Variants in DGKB observed in about 807,000 individuals in gnomAD.
DGKB encodes the protein 90 kDa diacylglycerol kinase.
DGKB carries 67 observed loss-of-function variants against 114.3 expected under a neutral mutation model. The ratio of observed to expected loss-of-function variants is 0.59; its 90% CI spans 0.48 to 0.72. The LOEUF (loss-of-function observed/expected upper bound fraction) is 0.72, where lower values mean the gene tolerates loss of function less well. Ranked by LOEUF, DGKB falls within the 30% of genes least tolerant of loss-of-function variation. DGKB has a pLI of 0.00. For synonymous variants in DGKB, 398 were observed against 323.1 expected (o/e 1.23, Z -2.49); for missense variants, 907 against 975.2 (o/e 0.93, Z 0.93).
chr7:14,924,278 T>C (rs968895675), intron 1 of DGKB, among the ~76,000 whole-genome samples: 5 of 152,198 alleles, frequency 3.3e-5, no homozygotes, highest in Admixed American at 2.0e-4. Context: ...CGCGTTCTAA[T>C]ATTGCTATTG....
In DGKB at chr7:14,910,305, AG is replaced by A. The variant is rs1201456428; in HGVS notation, c.-188+64390del. Reference sequence around the variant, plus strand: ...AAGAAAGAAAGAAAGAAAGAAAGAAAGAAAGAAAGAACCTTATATATTAGGA... The same window carrying A: ...AAGAAAGAAAGAAAGAAAGAAAGAAAAAAGAAAGAACCTTATATATTAGGA... On this transcript the variant is annotated intron_variant, in intron 1 of 4. Coordinates refer to the DGKB transcript ENST00000437998. Among the ~76,000 whole-genome samples the A allele has an allele frequency of 9.2e-5, 12 of 129,872 alleles. 1 individual carries two copies. Among genetic ancestry groups the A allele is most frequent in the African/African-American group, 3.5e-4 (12 of 34,390 alleles). 85.2% of individuals were successfully genotyped at this position (129,872 alleles called of 152,430 possible).
intron 5 of DGKB, among the ~76,000 whole-genome samples, chr7:14,724,132 G>T (rs1456711340): frequency 6.6e-6 from 1 of 152,046 alleles, no homozygotes; most frequent in African/African-American, 2.4e-5. Context: ...TACAACACTG[G>T]CAATTTAGCT....
At chr7:14,362,881 C>T (rs1316638334) in intron 21 of DGKB, among the ~76,000 whole-genome samples, 1 of 152,080 alleles carries the variant, frequency 6.6e-6, no homozygotes, top group Non-Finnish European at 1.5e-5. Flanking sequence ...TGCTGCTTCT[C>T]CCTTCTAGAC....
intron 25 of DGKB, among the ~76,000 whole-genome samples, chr7:14,170,317 T>C (rs9655111): frequency 0.014 from 2,140 of 152,264 alleles, 49 homozygotes; most frequent in African/African-American, 0.048. Context: ...GCAAGTTACT[T>C]GACTTCTCTG....
chr7:14,280,058 C>A (rs1040183256), intron 23 of DGKB, among the ~76,000 whole-genome samples: 1 of 151,998 alleles, frequency 6.6e-6, no homozygotes, highest in Admixed American at 6.6e-5. Flanking sequence ...GATCAAATTA[C>A]TCTGAGCTAT....
At chr7:14,889,340 T>G (rs181272783) in intron 1 of DGKB, among the ~76,000 whole-genome samples, 183 of 151,800 alleles carry the variant, frequency 1.2e-3, no homozygotes, top group Non-Finnish European at 1.9e-3. Context: ...TGATCTCTTA[T>G]AATCATCTGA....
chr7:14,724,003 G>T (rs932046226), intron 5 of DGKB, among the ~76,000 whole-genome samples: 2 of 152,068 alleles, frequency 1.3e-5, no homozygotes, highest in African/African-American at 2.4e-5. Context: ...CTCTGGTCCA[G>T]TTTGTTTCAT....
intron 25 of DGKB, among the ~76,000 whole-genome samples, chr7:14,173,826 T>C (rs536294537): frequency 6.6e-5 from 10 of 152,188 alleles, no homozygotes; most frequent in Non-Finnish European, 1.0e-4. Flanking sequence ...ACTATGATTC[T>C]TGGCCTACTG....
intron 17 of DGKB, among the ~76,000 whole-genome samples, chr7:14,605,675 A>G (rs989470134): frequency 6.6e-6 from 1 of 152,078 alleles, no homozygotes; most frequent in Non-Finnish European, 1.5e-5. Flanking sequence ...TGTAGTACAT[A>G]TTTAAAGTGT....
intron 23 of DGKB, among the ~76,000 whole-genome samples, chr7:14,263,188 T>C (rs1797017226): frequency 6.6e-6 from 1 of 152,180 alleles, no homozygotes; most frequent in Non-Finnish European, 1.5e-5. Flanking sequence ...TAAACCGTTT[T>C]CTATGTGCCC....
At chr7:14,402,160 T>C (rs970564819) in intron 21 of DGKB, among the ~76,000 whole-genome samples, 18 of 151,808 alleles carry the variant, frequency 1.2e-4, no homozygotes, top group African/African-American at 4.3e-4. Context: ...TTTCATTTCA[T>C]ATATGACACT....
chr7:14,874,107 G>C (rs151121995), intron 1 of DGKB, among the ~76,000 whole-genome samples: 25 of 152,150 alleles, frequency 1.6e-4, no homozygotes, highest in East Asian at 1.2e-3. Context: ...AGATGAAGAA[G>C]GGATGTACTC....
intron 21 of DGKB, among the ~76,000 whole-genome samples, chr7:14,390,958 G>A (rs1821216722): frequency 6.6e-6 from 1 of 152,094 alleles, no homozygotes; most frequent in Non-Finnish European, 1.5e-5. Flanking sequence ...TTTTACTGCT[G>A]CCTTCTTCAA....
At chr7:14,794,357 T>A (rs1841106572) in intron 2 of DGKB, among the ~76,000 whole-genome samples, 1 of 152,236 alleles carries the variant, frequency 6.6e-6, no homozygotes, top group South Asian at 2.1e-4. Context: ...TATGGAGATA[T>A]AGAAAATATC....
At chr7:14,683,921 A>T (rs1821252118) in intron 10 of DGKB, among the ~76,000 whole-genome samples, 1 of 152,152 alleles carries the variant, frequency 6.6e-6, no homozygotes, top group African/African-American at 2.4e-5. Flanking sequence ...CATTCCTCAT[A>T]TAATATCACT....
chr7:14,948,662 G>T (rs1786011472), intron 1 of DGKB, among the ~76,000 whole-genome samples: 1 of 151,744 alleles, frequency 6.6e-6, no homozygotes, highest in Admixed American at 6.6e-5. Flanking sequence ...AATTCTGTCA[G>T]GAAGTAGATA....
intron 25 of DGKB, among the ~76,000 whole-genome samples, chr7:14,169,322 A>G (rs549214890): frequency 1.3e-3 from 196 of 147,088 alleles, no homozygotes; most frequent in African/African-American, 4.5e-3. Flanking sequence ...CCGAGATGGC[A>G]CCATTGCACT....
intron 6 of DGKB, among the ~76,000 whole-genome samples, chr7:14,709,906 T>G (rs1827047526): frequency 1.3e-5 from 2 of 149,250 alleles, no homozygotes; most frequent in South Asian, 4.2e-4. Context: ...GCATGGCACA[T>G]GTATACATAT....
chr7:14,396,591 G>A (rs970313249), intron 21 of DGKB, among the ~76,000 whole-genome samples: 1 of 152,090 alleles, frequency 6.6e-6, no homozygotes, highest in African/African-American at 2.4e-5. Context: ...TTGTTGATGG[G>A]CTTCTTCAAA....
Sources: allele counts gnomAD v4.1 joint callset (sites outside exome capture counted in the v4.1 genomes callset), GRCh38; gene constraint gnomAD v4.1.1; transcripts MANE v1.5; gene names NCBI Gene and HGNC (gene_info 2026-07-23, HGNC 2026-07-21).